The following LRP5 variants were observed in gnomAD, a reference collection of about 807,000 sequenced individuals.
LRP5 encodes the protein low-density lipoprotein receptor-related protein 5.
LRP5 carries 62 observed loss-of-function variants against 154.1 expected under a neutral mutation model. That is an observed-to-expected ratio of 0.40 (90% CI 0.33 to 0.50). LRP5 has a LOEUF of 0.50. LRP5 is among the 20% of genes least tolerant of loss of function. LRP5 has a pLI of 0.55. For synonymous variants in LRP5, 966 were observed against 1,011.5 expected (o/e 0.96, Z 0.85); for missense variants, 1,915 against 2,336.7 (o/e 0.82, Z 3.72).
At chr11:68,376,484 G>A (rs34630457) in intron 5 of LRP5, among the ~76,000 whole-genome samples, 17 of 152,102 alleles carry the variant, frequency 1.1e-4, no homozygotes, top group Admixed American at 2.6e-4. Context: ...ATGCCTGGCC[G>A]GCCCTACTTC....
At chr11:68,369,884 C>T (rs1024685064) in intron 5 of LRP5, among the ~76,000 whole-genome samples, 8 of 152,256 alleles carry the variant, frequency 5.3e-5, no homozygotes, top group African/African-American at 1.7e-4. Context: ...CCAGGGGTGA[C>T]GGAGCCGTGC....
intron 5 of LRP5, among the ~76,000 whole-genome samples, chr11:68,370,948 G>C (rs2098633704): frequency 6.6e-6 from 1 of 152,154 alleles, no homozygotes; most frequent in Non-Finnish European, 1.5e-5. Context: ...GTCTGGTTTT[G>C]CATGAGGACG....
Position 68,396,152 on chromosome 11 carries a change from C to T in LRP5, c.1584+6100C>T, listed in dbSNP as rs188160095. On this transcript the variant is annotated intron_variant, in intron 7 of 22. Transcript: ENST00000294304. ...GGGACAGCTGAGGTGCAAGGAGCCACGGCTCCTTGAGGATGCAGTTGGACT... is the reference window on the plus strand; with the variant it reads ...GGGACAGCTGAGGTGCAAGGAGCCATGGCTCCTTGAGGATGCAGTTGGACT... Among the ~76,000 whole-genome samples, 23 of 152,084 alleles carry T rather than the reference C, an allele frequency of 1.5e-4. No individual in the cohort carries two copies. In the East Asian group the frequency reaches 1.7e-3, roughly 12 times the overall value.
intron 2 of LRP5, among the ~76,000 whole-genome samples, chr11:68,350,715 G>A (rs760114734): frequency 1.2e-4 from 18 of 152,242 alleles, no homozygotes; most frequent in Non-Finnish European, 5.9e-5. Flanking sequence ...AGCTCAGGAA[G>A]CAGAGTGCCA....
intron 1 of LRP5, among the ~76,000 whole-genome samples, chr11:68,321,063 T>G (rs1363986817): frequency 2.6e-4 from 38 of 148,004 alleles, no homozygotes; most frequent in South Asian, 8.7e-4. Context: ...TCTGGGTTTT[T>G]TTTTTTTTTT....
chr11:68,447,550 C>T lies in LRP5; in HGVS notation c.4586+1017C>T, dbSNP rs2098682113. Among the ~76,000 whole-genome samples the T allele has an allele frequency of 6.6e-6, 1 of 152,144 alleles. No homozygotes were observed. Among genetic ancestry groups the T allele is most frequent in the Non-Finnish European group, 1.5e-5 (1 of 68,032 alleles). On this transcript the variant is annotated intron_variant, in intron 22 of 22. Transcript: ENST00000294304. The surrounding 1 kb of genome is among the most constrained non-coding windows in gnomAD (Gnocchi z 4.3). The stretch of plus-strand genomic sequence containing the variant: ...CCACAGCCTTACAGACCACTGTCTC[C>T]AGAATGGTCACATCCACACTGGGCA...
chr11:68,328,527 G>A (rs1211085854), intron 1 of LRP5, among the ~76,000 whole-genome samples: 1 of 152,206 alleles, frequency 6.6e-6, no homozygotes, highest in Non-Finnish European at 1.5e-5. Context: ...CCTCTGCAGT[G>A]GGCATGGGGG....
chr11:68,403,951 G>C, intron 8 of LRP5: 1 of 577,454 alleles, frequency 1.7e-6, no homozygotes, highest in South Asian at 2.0e-5. Flanking sequence ...AGCACCTGCT[G>C]TGTGCCCGGC....
At chr11:68,438,873 G>C (rs2098676558) in intron 20 of LRP5, among the ~76,000 whole-genome samples, 191 bp downstream of exon 20, 1 of 152,246 alleles carries the variant, frequency 6.6e-6, no homozygotes. Context: ...ACAGAGGCCT[G>C]CATGGCTGTA....
At chr11:68,341,589 C>T (rs1207334220) in intron 1 of LRP5, among the ~76,000 whole-genome samples, 4 of 152,102 alleles carry the variant, frequency 2.6e-5, no homozygotes, top group Non-Finnish European at 4.4e-5. Flanking sequence ...AACGAGAGAC[C>T]TTGGGCACAT....
chr11:68,349,027 C>CTTTTT (rs368502197), intron 2 of LRP5, among the ~76,000 whole-genome samples: 3 of 123,586 alleles, frequency 2.4e-5, no homozygotes, highest in Non-Finnish European at 5.0e-5. Context: ...AGTTATGTTC[C>CTTTTT]TTTTTTTTTT....
intron 5 of LRP5, among the ~76,000 whole-genome samples, chr11:68,379,448 G>A (rs528901616): frequency 8.5e-4 from 130 of 152,230 alleles, no homozygotes; most frequent in African/African-American, 3.0e-3. Context: ...GGAAGCCTGC[G>A]GTGCTTTACG....
chr11:68,376,155 G>C (rs1453794256), intron 5 of LRP5, among the ~76,000 whole-genome samples: 1 of 149,964 alleles, frequency 6.7e-6, no homozygotes, highest in Non-Finnish European at 1.5e-5. Flanking sequence ...GGGGTCGTCC[G>C]TGGCTGGCCC....
rs536958477 is a variant in LRP5 at position 68,413,325 on chromosome 11, G to C, written c.2504-364G>C. 11 of 401,542 alleles carry C rather than the reference G, an allele frequency of 2.7e-5. No homozygotes were observed. Among genetic ancestry groups the C allele is most frequent in the African/African-American group, 2.2e-4 (11 of 50,062 alleles). 24.9% of individuals were successfully genotyped at this position (401,542 alleles called of 1,614,324 possible). ...CTCGGTACGTGTTTTGGACTTAAAC[G>C]CTCCGGATGTTTACTGAGTGCTTGA... On this transcript the variant is annotated intron_variant, in intron 11 of 22. Coordinates refer to ENST00000294304, the MANE Select transcript of LRP5 (RefSeq NM_002335.4). The surrounding 1 kb of genome is among the most constrained non-coding windows in gnomAD (Gnocchi z 5.1).
chr11:68,360,996 C>CAAAA (rs71043425), intron 3 of LRP5, among the ~76,000 whole-genome samples: 1 of 15,744 alleles, frequency 6.4e-5, no homozygotes, highest in Non-Finnish European at 1.0e-4. Context: ...GACTCTATCT[C>CAAAA]AAAAAAAAAA....
chr11:68,362,558 G>A (rs1259444948), intron 3 of LRP5, among the ~76,000 whole-genome samples: 2 of 152,054 alleles, frequency 1.3e-5, no homozygotes, highest in Non-Finnish European at 2.9e-5. Context: ...GGGTGTGGTG[G>A]TGCACGCCTG....
chr11:68,426,762 A>G (rs2098669010), intron 16 of LRP5, among the ~76,000 whole-genome samples: 1 of 152,236 alleles, frequency 6.6e-6, no homozygotes, highest in Non-Finnish European at 1.5e-5. Flanking sequence ...GGCAAAGTCC[A>G]GGCACAGCGT....
intron 9 of LRP5, among the ~76,000 whole-genome samples, chr11:68,408,033 A>G (rs528393732): frequency 3.3e-5 from 5 of 152,226 alleles, no homozygotes; most frequent in South Asian, 2.1e-4. Flanking sequence ...GACAACTACA[A>G]TGTTTGCTCA....
At chr11:68,337,517 T>C (rs1165361243) in intron 1 of LRP5, among the ~76,000 whole-genome samples, 1 of 152,176 alleles carries the variant, frequency 6.6e-6, no homozygotes, top group Non-Finnish European at 1.5e-5. Flanking sequence ...TGTTTTTCAA[T>C]GCTCCAGCTC....
Sources: allele counts gnomAD v4.1 joint callset (sites outside exome capture counted in the v4.1 genomes callset), GRCh38; gene constraint gnomAD v4.1.1; non-coding constraint Gnocchi (gnomAD v3.1); transcripts MANE v1.5; gene names NCBI Gene and HGNC (gene_info 2026-07-23, HGNC 2026-07-21).